SLC35E4: variants seen among roughly 807,000 people sequenced by gnomAD.
SLC35E4 encodes solute carrier family 35 member E4.
Under a neutral mutation model 19.3 loss-of-function variants are expected in SLC35E4, and 15 were observed. The observed-to-expected ratio is 0.78, with a 90% confidence interval of 0.52 to 1.20. The LOEUF is 1.20. Ranked by LOEUF, SLC35E4 falls within the 50% of genes most tolerant of loss-of-function variation. The pLI, the probability that SLC35E4 is intolerant of heterozygous loss-of-function variation, is 0.00. For missense variants in SLC35E4, 406 were observed against 472.3 expected (o/e 0.86, Z 1.30); for synonymous variants, 219 against 219.9 (o/e 1.00, Z 0.04).
chr22:30,651,387 G>GA (rs2088209006), downstream of SLC35E4, among the ~76,000 whole-genome samples: 1 of 31,446 alleles, frequency 3.2e-5, no homozygotes, highest in African/African-American at 1.6e-4. Flanking sequence ...GTGTGTGTGT[G>GA]TGTGTGTGTG....
At chr22:30,650,488 T>C (rs1420639839), downstream of SLC35E4, among the ~76,000 whole-genome samples, 6 of 152,164 alleles carry the variant, frequency 3.9e-5, no homozygotes, top group East Asian at 9.7e-4. Context: ...AGAATGAGAC[T>C]CCATCTCAAA....
chr22:30,641,930 T>TAAA (rs1423657514), intron 1 of SLC35E4, among the ~76,000 whole-genome samples: 1 of 152,094 alleles, frequency 6.6e-6, no homozygotes, highest in Non-Finnish European at 1.5e-5. Flanking sequence ...GGAGGGAGTT[T>TAAA]AGGGGGCTAG....
chr22:30,655,449 GAA>G (rs960262091), intron 2 of SLC35E4, among the ~76,000 whole-genome samples: 2 of 119,278 alleles, frequency 1.7e-5, no homozygotes, highest in African/African-American at 6.2e-5. Flanking sequence ...AAAAAAAAAA[GAA>G]AAAGAAAAAA....
downstream of SLC35E4, chr22:30,667,206 C>G (rs1173277057): frequency 1.3e-5 from 2 of 152,150 alleles, no homozygotes; most frequent in Non-Finnish European, 2.9e-5. Context: ...GAAAGTGAGA[C>G]ACAGCGCGGA....
intron 2 of SLC35E4, chr22:30,654,401 G>A (rs931132341): frequency 2.2e-6 from 1 of 456,176 alleles, no homozygotes. Flanking sequence ...AGCTGCCCCA[G>A]GTAGGCAAAC....
At chr22:30,664,571 T>C (rs1445216506), downstream of SLC35E4, among the ~76,000 whole-genome samples, 1 of 152,150 alleles carries the variant, frequency 6.6e-6, no homozygotes, top group Non-Finnish European at 1.5e-5. Flanking sequence ...TATGCCCAAA[T>C]CATAAGGTCC....
rs1162401116 is a variant in SLC35E4, at chr22:30,636,803, G to T, written c.353G>T (p.Gly118Val). ...GTCCTACTGCTCAGTCTCACCTTTG[G>T]CACGTCCATGGCCTGCGGCAACGTG... The part of the protein sequence containing the change: ...CRVLLLSLTF[G>V]TSMACGNVGL... Residue 118 changes from glycine (G) to valine (V), a missense_variant, in exon 1 of 2, where the codon GGC (glycine) becomes GTC (valine). Gly to Val is a moderately radical substitution (Grantham distance 109, BLOSUM62 -3). Transcript: ENST00000343605. 1.2e-6 allele frequency: 2 copies of T among 1,612,630 alleles called. No homozygotes were observed. Among genetic ancestry groups the T allele is most frequent in the Non-Finnish European group, 1.7e-6 (2 of 1,179,606 alleles).
chr22:30,639,578 C>T (rs1006813246), intron 1 of SLC35E4, among the ~76,000 whole-genome samples: 2 of 152,092 alleles, frequency 1.3e-5, no homozygotes, highest in Non-Finnish European at 2.9e-5. Context: ...AAGATGGCCG[C>T]CCCCCAGAAG....
intron 1 of SLC35E4, among the ~76,000 whole-genome samples, chr22:30,643,544 C>A (rs1024959605): frequency 6.6e-6 from 1 of 152,046 alleles, no homozygotes; most frequent in African/African-American, 2.4e-5. Flanking sequence ...GGAAACAGGC[C>A]GTGCCAGGGC....
Position 30,636,476 on chromosome 22 carries a change from A to G in SLC35E4, c.26A>G (p.His9Arg). 6.6e-7 allele frequency: 1 copy of G among 1,513,182 alleles called. No homozygotes were observed. The highest frequency in any genetic ancestry group is 8.9e-7 in the Non-Finnish European group (1 of 1,124,110). 93.7% of individuals were successfully genotyped at this position (1,513,182 alleles called of 1,614,324 possible). A position where few individuals can be genotyped will look rare whatever the true frequency, so the allele number is the denominator to read the frequency against. MCRCPPEH[H>R]DGRMTSAEVG... ...ATGTGCCGCTGCCCGCCGGAGCACC[A>G]TGATGGCAGGATGACCTCAGCCGAA... Residue 9 changes from histidine to arginine, a missense_variant, in exon 1 of 2, where the codon CAT (histidine) becomes CGT (arginine). His to Arg is a conservative substitution (Grantham distance 29, BLOSUM62 0). Transcript: ENST00000343605.
At chr22:30,659,123 CAAAAAAAA>C (rs35939188) in intron 2 of SLC35E4, among the ~76,000 whole-genome samples, 4 of 104,744 alleles carry the variant, frequency 3.8e-5, no homozygotes, top group Non-Finnish European at 5.5e-5. Flanking sequence ...GACTCCATCT[CAAAAAAAA>C]AAAAAAAAAA....
At chr22:30,637,140 G>A (rs1268629365) in intron 1 of SLC35E4, 71 bp downstream of exon 1, 6 of 1,501,286 alleles carry the variant, frequency 4.0e-6, no homozygotes, top group Non-Finnish European at 4.4e-6. Context: ...GCCCTGTGAG[G>A]GGTATGGCTG....
exon 3 of SLC35E4, chr22:30,662,314 C>T (rs959642714): frequency 6.6e-5 from 10 of 152,146 alleles, no homozygotes; most frequent in Non-Finnish European, 1.3e-4. Context: ...TCCCAGGGGT[C>T]CACATCACAT....
chr22:30,646,014 A>G (rs963590600), intron 1 of SLC35E4, among the ~76,000 whole-genome samples: 1 of 151,026 alleles, frequency 6.6e-6, no homozygotes, highest in African/African-American at 2.4e-5. Flanking sequence ...GCAGGGTTTT[A>G]TCACGTTGCC....
At chr22:30,640,864 G>T (rs970951411) in intron 1 of SLC35E4, among the ~76,000 whole-genome samples, 1 of 152,150 alleles carries the variant, frequency 6.6e-6, no homozygotes, top group African/African-American at 2.4e-5. Flanking sequence ...AAGGAAGTGG[G>T]CACACCAAGA....
intron 2 of SLC35E4, among the ~76,000 whole-genome samples, chr22:30,656,177 A>G (rs1018728465): frequency 2.0e-5 from 3 of 151,434 alleles, no homozygotes; most frequent in African/African-American, 7.3e-5. Flanking sequence ...GAGTCTCACT[A>G]TGTTGCCCAG....
downstream of SLC35E4, chr22:30,663,616 C>T (rs757521320): frequency 1.4e-5 from 23 of 1,614,092 alleles, no homozygotes; most frequent in African/African-American, 8.0e-5. Flanking sequence ...CACGTGTGGG[C>T]GTCCAGCAGG....
chr22:30,652,297 G>C (rs982443904), downstream of SLC35E4: 1 of 152,208 alleles, frequency 6.6e-6, no homozygotes, highest in Non-Finnish European at 1.5e-5. Context: ...AAGGGCAGGG[G>C]CTGCAAAATA....
chr22:30,663,297 C>CA, exon 3 of SLC35E4: 1 of 804,548 alleles, frequency 1.2e-6, no homozygotes. Flanking sequence ...AAAGCTACAG[C>CA]AACTCTTTTT....
Sources: allele counts gnomAD v4.1 joint callset (sites outside exome capture counted in the v4.1 genomes callset), GRCh38; gene constraint gnomAD v4.1.1; transcripts MANE v1.5; gene names NCBI Gene and HGNC (gene_info 2026-07-23, HGNC 2026-07-21).